CCNJL: variants seen among roughly 807,000 people sequenced by gnomAD.
CCNJL encodes cyclin-J-like protein.
In CCNJL, 33 loss-of-function variants were observed where a neutral mutation model predicts 33.4. That is an observed-to-expected ratio of 0.99 (90% confidence interval 0.75 to 1.32). CCNJL has a LOEUF of 1.32. Among genes scored for constraint, CCNJL ranks in the 40% most tolerant of loss-of-function variants. CCNJL has a pLI of 0.00. For synonymous variants in CCNJL, 227 were observed against 220.9 expected, an observed-to-expected ratio of 1.03 and a Z score of -0.24; for missense variants, 512 against 499.7, an observed-to-expected ratio of 1.02 and a Z score of -0.23.
intron 3 of CCNJL, among the ~76,000 whole-genome samples, chr5:160,266,478 C>A (rs1021142303): frequency 3.9e-5 from 6 of 152,206 alleles, no homozygotes; most frequent in Non-Finnish European, 8.8e-5. Flanking sequence ...AGGTCCCCAC[C>A]AGAAACAGGC....
At chr5:160,303,609 T>C (rs1223108031) in intron 2 of CCNJL, among the ~76,000 whole-genome samples, 6 of 152,138 alleles carry the variant, frequency 3.9e-5, no homozygotes, top group African/African-American at 1.2e-4. Flanking sequence ...ACAGAGATTG[T>C]TTCCAAGTGG....
intron 2 of CCNJL, among the ~76,000 whole-genome samples, chr5:160,305,050 G>C (rs540507177): frequency 6.6e-6 from 1 of 152,004 alleles, no homozygotes; most frequent in South Asian, 2.1e-4. Flanking sequence ...TCTTGACCTC[G>C]TGAACCGCTC....
chr5:160,319,273 G>A (rs957490546), intron 1 of CCNJL, among the ~76,000 whole-genome samples: 3 of 152,076 alleles, frequency 2.0e-5, no homozygotes, highest in South Asian at 2.1e-4. Context: ...GGGTCACCTC[G>A]CCCAGCCCAT....
At chr5:160,286,257 C>T (rs1459650481) in intron 2 of CCNJL, among the ~76,000 whole-genome samples, 1 of 152,228 alleles carries the variant, frequency 6.6e-6, no homozygotes, top group African/African-American at 2.4e-5. Context: ...GAACTCAAGG[C>T]AACACAAAGA....
At chr5:160,293,934 T>C (rs961846338) in intron 2 of CCNJL, among the ~76,000 whole-genome samples, 1 of 151,994 alleles carries the variant, frequency 6.6e-6, no homozygotes, top group Non-Finnish European at 1.5e-5. Flanking sequence ...CACTCTGCTT[T>C]CCTCCTCCAA....
chr5:160,280,156 G>A (rs1191358961), intron 3 of CCNJL, among the ~76,000 whole-genome samples: 1 of 152,156 alleles, frequency 6.6e-6, no homozygotes, highest in Non-Finnish European at 1.5e-5. Flanking sequence ...AGGAGGTTGA[G>A]GGCACAGGTT....
intron 3 of CCNJL, among the ~76,000 whole-genome samples, chr5:160,270,453 A>G (rs1473165856): frequency 2.0e-5 from 3 of 152,066 alleles, no homozygotes; most frequent in Non-Finnish European, 4.4e-5. Context: ...CGAAAAAAAA[A>G]AAAATTAGCA....
intron 2 of CCNJL, among the ~76,000 whole-genome samples, chr5:160,298,756 C>T (rs1338412699): frequency 2.0e-5 from 3 of 152,128 alleles, no homozygotes; most frequent in Non-Finnish European, 2.9e-5. Context: ...ATATTATAAT[C>T]CCACAACATT....
intron 1 of CCNJL, among the ~76,000 whole-genome samples, chr5:160,323,747 G>T (rs991923513): frequency 6.6e-6 from 1 of 152,212 alleles, no homozygotes; most frequent in South Asian, 2.1e-4. Context: ...ATTTGAATTG[G>T]TGGACTGAGG....
intron 2 of CCNJL, among the ~76,000 whole-genome samples, chr5:160,299,280 G>A (rs1581001792): frequency 6.6e-6 from 1 of 152,214 alleles, no homozygotes; most frequent in South Asian, 2.1e-4. Flanking sequence ...CTCCCGAGTA[G>A]GTGGGATTAC....
intron 1 of CCNJL, chr5:160,326,634 G>T (rs759228015): frequency 1.5e-4 from 100 of 675,772 alleles, no homozygotes; most frequent in Non-Finnish European, 2.5e-4. Flanking sequence ...GATAAAGTAG[G>T]TTCTTAGAGT....
chr5:160,269,216 T>C (rs1480449375), intron 3 of CCNJL, among the ~76,000 whole-genome samples: 1 of 152,222 alleles, frequency 6.6e-6, no homozygotes, highest in African/African-American at 2.4e-5. Context: ...ACTGCTGTGA[T>C]GACATCACAC....
At chr5:160,296,797 C>T (rs1420775833) in intron 2 of CCNJL, among the ~76,000 whole-genome samples, 1 of 152,188 alleles carries the variant, frequency 6.6e-6, no homozygotes, top group Non-Finnish European at 1.5e-5. Flanking sequence ...CTCTGCCTGG[C>T]AAACTTCTAC....
At chr5:160,293,220 ACCAG>A (rs931931094) in intron 2 of CCNJL, among the ~76,000 whole-genome samples, 3 of 152,176 alleles carry the variant, frequency 2.0e-5, no homozygotes, top group Non-Finnish European at 2.9e-5. Flanking sequence ...GGAGTTCAAG[ACCAG>A]CCTGGCCAAC....
chr5:160,335,748 A>ATTTGT (rs1455695161), intron 1 of CCNJL, among the ~76,000 whole-genome samples: 1,655 of 125,618 alleles, frequency 0.013, 38 homozygotes, highest in African/African-American at 0.04. Context: ...TTTTTTTTGA[A>ATTTGT]ATTTTTTTTT....
At chr5:160,266,087 C>T (rs756866477) in intron 3 of CCNJL, among the ~76,000 whole-genome samples, 2 of 152,222 alleles carry the variant, frequency 1.3e-5, no homozygotes, top group Non-Finnish European at 2.9e-5. Context: ...ATGGTGCTGG[C>T]GGGTCAGAGG....
chr5:160,307,566 C>A (rs1763130710), intron 2 of CCNJL, among the ~76,000 whole-genome samples: 1 of 152,208 alleles, frequency 6.6e-6, no homozygotes, highest in East Asian at 1.9e-4. Flanking sequence ...TCTGGACAGA[C>A]CTGGCACAGA....
chr5:160,292,815 A>C (rs1762630028), intron 2 of CCNJL, among the ~76,000 whole-genome samples: 1 of 152,192 alleles, frequency 6.6e-6, no homozygotes, highest in Non-Finnish European at 1.5e-5. Context: ...AAAGATTGGA[A>C]GCTTCAAAAA....
chr5:160,337,518 T>C (rs1252475782), intron 1 of CCNJL, among the ~76,000 whole-genome samples: 2 of 152,116 alleles, frequency 1.3e-5, no homozygotes, highest in African/African-American at 4.8e-5. Flanking sequence ...CCCTACATGA[T>C]CTGGGTGCTT....
Sources: allele counts gnomAD v4.1 joint callset (sites outside exome capture counted in the v4.1 genomes callset), GRCh38; gene constraint gnomAD v4.1.1; transcripts MANE v1.5; gene names NCBI Gene and HGNC (gene_info 2026-07-23, HGNC 2026-07-21).